The following ERICH2 variants were observed in gnomAD, a reference collection of about 807,000 sequenced individuals.
The protein encoded by ERICH2 is glutamate-rich protein 2.
Under a neutral mutation model 17.4 loss-of-function variants are expected in ERICH2, and 17 were observed. The ratio of observed to expected loss-of-function variants is 0.98; its 90% CI spans 0.67 to 1.47. The LOEUF is 1.47. Ranked by LOEUF, ERICH2 falls within the 40% of genes most tolerant of loss-of-function variation. The pLI, the probability that ERICH2 is intolerant of heterozygous loss-of-function variation, is 0.00. For synonymous variants in ERICH2, 51 were observed against 61.1 expected (o/e 0.83, Z 0.77); for missense variants, 186 against 183.2 (o/e 1.01, Z -0.09).
chr2:170,787,603 A>G (rs535657019), intron 2 of ERICH2, among the ~76,000 whole-genome samples: 4 of 152,210 alleles, frequency 2.6e-5, no homozygotes, highest in Non-Finnish European at 5.9e-5. Context: ...TCACACTCAC[A>G]TGCAGATCAT....
the ERICH2 span, chr2:170,775,820 CT>C: frequency 1.3e-5 from 2 of 154,370 alleles, no homozygotes; most frequent in Non-Finnish European, 2.9e-5. Context: ...TATACAGCTG[CT>C]TTATTCAGGA....
intron 2 of ERICH2, 46 bp from the exon 8 acceptor site, chr2:170,792,817 T>G (rs1039329764): frequency 2.4e-6 from 3 of 1,253,376 alleles, no homozygotes; most frequent in Non-Finnish European, 3.3e-6. Context: ...AGTTTAGAGT[T>G]GACAACATTT....
chr2:170,782,717 G>A (rs911386867), upstream of ERICH2, among the ~76,000 whole-genome samples: 2 of 152,206 alleles, frequency 1.3e-5, no homozygotes, highest in African/African-American at 4.8e-5. Context: ...ACAAAAGTTG[G>A]CAAAATAGGG....
chr2:170,794,007 G>T (rs1701350862), intron 3 of ERICH2, among the ~76,000 whole-genome samples: 1 of 149,448 alleles, frequency 6.7e-6, no homozygotes, highest in Non-Finnish European at 1.5e-5. Flanking sequence ...TTTTTTTCAT[G>T]ATGTCCCATG....
chr2:170,772,287 T>A, the ERICH2 span, among the ~76,000 whole-genome samples: 1 of 152,222 alleles, frequency 6.6e-6, no homozygotes, highest in Non-Finnish European at 1.5e-5. Context: ...TTGTGACAGT[T>A]CACCTTCAGG....
chr2:170,792,292 T>C (rs1259729816), intron 2 of ERICH2, among the ~76,000 whole-genome samples: 2 of 152,202 alleles, frequency 1.3e-5, no homozygotes, highest in African/African-American at 4.8e-5. Flanking sequence ...TGTTTATTTT[T>C]CATAGATGGT....
the ERICH2 span, chr2:170,771,272 A>G: frequency 6.5e-6 from 1 of 152,756 alleles, no homozygotes; most frequent in Non-Finnish European, 1.5e-5. This position sits in a 1 kb window ranked among gnomAD's most constrained non-coding sequence, Gnocchi z 4.8. Flanking sequence ...GACCACCCCC[A>G]GACCGGGCGC....
At chr2:170,786,011 T>TGTAA (rs139055064) in intron 2 of ERICH2, among the ~76,000 whole-genome samples, 205 of 152,310 alleles carry the variant, frequency 1.3e-3, no homozygotes, top group Non-Finnish European at 2.5e-3. Flanking sequence ...ATGCATATGT[T>TGTAA]GTAAGCCCTT....
At chr2:170,791,063 G>A (rs1023049034) in intron 2 of ERICH2, among the ~76,000 whole-genome samples, 1 of 151,786 alleles carries the variant, frequency 6.6e-6, no homozygotes, top group Non-Finnish European at 1.5e-5. Flanking sequence ...TTTGAAAAAA[G>A]GATGACATAG....
At chr2:170,793,158 A>C (rs1046818878) in intron 3 of ERICH2, among the ~76,000 whole-genome samples, 1 of 152,236 alleles carries the variant, frequency 6.6e-6, no homozygotes, top group African/African-American at 2.4e-5. Flanking sequence ...ACTGGAAAAT[A>C]AGTCAAAAAT....
At chr2:170,796,587 T>C (rs997642419) in intron 3 of ERICH2, among the ~76,000 whole-genome samples, 2 of 151,990 alleles carry the variant, frequency 1.3e-5, no homozygotes, top group Non-Finnish European at 2.9e-5. Context: ...AAGCACGTGT[T>C]ACCACGCCCA....
chr2:170,790,741 T>C (rs1575409873), intron 2 of ERICH2, among the ~76,000 whole-genome samples: 1 of 151,460 alleles, frequency 6.6e-6, no homozygotes, highest in Non-Finnish European at 1.5e-5. Context: ...GAGGCAGAGG[T>C]TGCAGTGAGC....
At chr2:170,776,928 G>C in the ERICH2 span, among the ~76,000 whole-genome samples, 36,625 of 147,908 alleles carry the variant, frequency 0.25, 4,900 homozygotes, top group South Asian at 0.36. Context: ...TCCCCACCCC[G>C]TCCCCCAGAA....
At chr2:170,772,598 A>G in the ERICH2 span, among the ~76,000 whole-genome samples, 1 of 152,258 alleles carries the variant, frequency 6.6e-6, no homozygotes, top group Non-Finnish European at 1.5e-5. Flanking sequence ...AAGGAAATAT[A>G]TAAAATTTAT....
At chr2:170,796,173 CA>C (rs1322698840) in intron 3 of ERICH2, among the ~76,000 whole-genome samples, 1 of 151,992 alleles carries the variant, frequency 6.6e-6, no homozygotes, top group Non-Finnish European at 1.5e-5. Flanking sequence ...GTAAAATGTG[CA>C]AAAAATTACT....
intron 3 of ERICH2, among the ~76,000 whole-genome samples, chr2:170,797,420 T>G (rs528924404): frequency 3.9e-5 from 6 of 152,328 alleles, no homozygotes; most frequent in African/African-American, 1.4e-4. Context: ...GAAATGATTA[T>G]GTTCATGAAA....
rs1559257193 is a variant in ERICH2, at chr2:170,796,433, TTTTTTTG to T, written c.275-1601_275-1595del. Among the ~76,000 whole-genome samples, 16 of 25,042 alleles carry T rather than the reference TTTTTTTG, an allele frequency of 6.4e-4. 1 individual carries two copies. The highest frequency in any genetic ancestry group is 3.6e-3 in the East Asian group (1 of 274). The allele number at this position is 25,042 out of a possible 152,430, so 16.4% of individuals were successfully genotyped here. ...TTATCTCTCTCTCTCTCTTTGTTTT[TTTTTTTG>T]TTTTTTTTTTTTTGAGACAGCGTCT... On this transcript the variant is annotated intron_variant, in intron 3 of 4. Transcript: ENST00000409885.
At chr2:170,791,214 C>A (rs1701281226) in intron 2 of ERICH2, among the ~76,000 whole-genome samples, 1 of 151,542 alleles carries the variant, frequency 6.6e-6, no homozygotes, top group African/African-American at 2.4e-5. Context: ...ATGTTTAAGA[C>A]CATACCATGT....
At chr2:170,774,851 A>G in the ERICH2 span, among the ~76,000 whole-genome samples, 7 of 151,462 alleles carry the variant, frequency 4.6e-5, no homozygotes, top group East Asian at 1.4e-3. Context: ...CTGGGATTAC[A>G]GGCATGAGCC....
Sources: allele counts gnomAD v4.1 joint callset (sites outside exome capture counted in the v4.1 genomes callset), GRCh38; gene constraint gnomAD v4.1.1; non-coding constraint Gnocchi (gnomAD v3.1); transcripts MANE v1.5; gene names NCBI Gene and HGNC (gene_info 2026-07-23, HGNC 2026-07-21).